The following TPO variants were observed in gnomAD, a reference collection of about 807,000 sequenced individuals.
TPO encodes the protein thyroid microsomal antigen.
TPO carries 78 observed loss-of-function variants against 96.9 expected under a neutral mutation model. That is an observed-to-expected ratio of 0.81 (90% CI 0.67 to 0.97). The LOEUF (loss-of-function observed/expected upper bound fraction) is 0.97. Ranked by LOEUF, TPO falls within the 50% of genes least tolerant of loss-of-function variation. The pLI, the probability that TPO is intolerant of heterozygous loss-of-function variation, is 0.00. For missense variants in TPO, 1,252 were observed against 1,274.8 expected, an observed-to-expected ratio of 0.98 and a Z score of 0.27; for synonymous variants, 547 against 538.0, an observed-to-expected ratio of 1.02 and a Z score of -0.23.
At chr2:1,400,700 C>T (rs1004508362) in intron 1 of TPO, among the ~76,000 whole-genome samples, 4 of 149,658 alleles carry the variant, frequency 2.7e-5, no homozygotes, top group South Asian at 2.1e-4. Context: ...ATTTCCTTCA[C>T]GTTTCAGTGG....
chr2:1,379,929 G>A (rs1558241137), intron 1 of TPO, among the ~76,000 whole-genome samples: 1 of 152,138 alleles, frequency 6.6e-6, no homozygotes. Context: ...ACTGAGAGTC[G>A]AGAGTTTTAA....
chr2:1,530,443 A>C (rs1320481305), intron 15 of TPO, among the ~76,000 whole-genome samples: 4 of 147,376 alleles, frequency 2.7e-5, no homozygotes, highest in Admixed American at 1.3e-4. Context: ...CACTGTGTGC[A>C]ACCTCCCGAA....
rs1426891199 is a variant in TPO at position 1,422,318 on chromosome 2, AC to A, written c.95-725del. ...CCCCGCAGGCGCCTCTCCTGGACAG[AC>A]CTCGTGCAGGCGCCTCTCCTGGACC... On this transcript the variant is annotated intron_variant, in intron 2 of 16. Transcript: ENST00000329066. 9.1e-4 allele frequency among the ~76,000 whole-genome samples: 121 copies of A among 133,146 alleles called. 1 individual carries two copies. Among genetic ancestry groups the A allele is most frequent in the Middle Eastern group, 3.8e-3 (1 of 262 alleles). 87.3% of individuals were successfully genotyped at this position (133,146 alleles called of 152,430 possible).
intron 7 of TPO, among the ~76,000 whole-genome samples, chr2:1,472,603 C>T (rs765338887): frequency 6.6e-6 from 1 of 152,004 alleles, no homozygotes; most frequent in Non-Finnish European, 1.5e-5. Context: ...CTCCGGGTCA[C>T]AGCCATGGGT....
rs199694732 is a variant in TPO at position 1,423,107 on chromosome 2, G to A, written c.157G>A (p.Ala53Thr). 3.7e-6 allele frequency: 6 copies of A among 1,613,836 alleles called. No individual in the cohort carries two copies. Among genetic ancestry groups the A allele is most frequent in the Middle Eastern group, 1.6e-4 (1 of 6,080 alleles). ...GGAAAGCAAGCGCCTGGTGGACACC[G>A]CCATGTACGCCACGATGCAGAGGTG... ...LEESKRLVDT[A>T]MYATMQRNLK... is the part of the protein sequence containing the mutation. The change falls in exon 3 of 17, where the codon GCC becomes ACC. Residue 53 changes from alanine (A) to threonine (T), a missense_variant. Ala to Thr is a moderately conservative substitution (Grantham distance 58). Transcript: ENST00000329066.
At chr2:1,384,735 C>G (rs1042168836) in intron 1 of TPO, among the ~76,000 whole-genome samples, 15 of 152,172 alleles carry the variant, frequency 9.9e-5, no homozygotes, top group African/African-American at 3.4e-4. Context: ...CTGGCCAGAA[C>G]TTCCAACACT....
chr2:1,473,843 A>G (rs1669659036), intron 7 of TPO, among the ~76,000 whole-genome samples: 1 of 152,178 alleles, frequency 6.6e-6, no homozygotes, highest in African/African-American at 2.4e-5. Context: ...GAAGGAAAAG[A>G]ACAGTTTTAT....
chr2:1,512,415 G>A (rs987707951), intron 14 of TPO: 9 of 985,428 alleles, frequency 9.1e-6, no homozygotes, highest in South Asian at 4.7e-5. Context: ...AAGGGCGTCC[G>A]AGAGAGCCCC....
At chr2:1,520,404 A>G (rs987439970) in intron 15 of TPO, among the ~76,000 whole-genome samples, 8 of 152,214 alleles carry the variant, frequency 5.3e-5, no homozygotes, top group African/African-American at 9.6e-5. Flanking sequence ...GAGACAGCAG[A>G]GAGAGACACG....
At chr2:1,487,753 T>G in intron 9 of TPO, 68 bp from the exon 10 acceptor site, 8 of 1,526,784 alleles carry the variant, frequency 5.2e-6, no homozygotes, top group Middle Eastern at 3.4e-4. Context: ...AAAAAAAAAA[T>G]TGAGATATTG....
rs575503747 is a variant in TPO, at chr2:1,482,419, G to A, written c.1339-2177G>A. Among the ~76,000 whole-genome samples, 19 of 152,282 alleles carry A rather than the reference G, an allele frequency of 1.2e-4. 1 individual carries two copies. Among genetic ancestry groups the A allele is most frequent in the African/African-American group, 4.6e-4 (19 of 41,560 alleles). ...GGCTGGGGTGAGAGCAGACGTGGAG[G>A]AGCAGCTTGAAGCAGCCTGGGAAGA... On this transcript the variant is annotated intron_variant, in intron 8 of 16. Transcript: ENST00000329066.
At chr2:1,495,618 C>A (rs1027983626) in intron 11 of TPO, among the ~76,000 whole-genome samples, 7 of 152,226 alleles carry the variant, frequency 4.6e-5, no homozygotes, top group Admixed American at 1.3e-4. Flanking sequence ...TGGCTCTGAG[C>A]CCCTCTTCTG....
At chr2:1,426,770 T>G (rs1189560721) in intron 3 of TPO, among the ~76,000 whole-genome samples, 1 of 152,240 alleles carries the variant, frequency 6.6e-6, no homozygotes, top group Admixed American at 6.5e-5. Flanking sequence ...AGAACTGACT[T>G]ACTTTGAGTA....
chr2:1,461,859 AG>A (rs201562305), intron 7 of TPO, among the ~76,000 whole-genome samples: 11 of 152,074 alleles, frequency 7.2e-5, no homozygotes, highest in Admixed American at 3.3e-4. Flanking sequence ...GGACGAGGGC[AG>A]GGGGGGCCGT....
chr2:1,518,710 G>C (rs1674952421), intron 15 of TPO, among the ~76,000 whole-genome samples: 4 of 152,246 alleles, frequency 2.6e-5, no homozygotes, highest in Admixed American at 2.6e-4. Context: ...CCTTCCAGTA[G>C]AGAGGTGATA....
At chr2:1,511,220 C>G (rs1674080646) in intron 14 of TPO, among the ~76,000 whole-genome samples, 1 of 150,308 alleles carries the variant, frequency 6.7e-6, no homozygotes. Context: ...ACTGGGGGTG[C>G]CACAGCAAAG....
chr2:1,458,708 ACAT>A (rs1668124000), intron 7 of TPO, among the ~76,000 whole-genome samples: 1 of 152,184 alleles, frequency 6.6e-6, no homozygotes. Flanking sequence ...CCTCTGTGTC[ACAT>A]CATGTGCATG....
chr2:1,543,332 A>AAACTC lies in TPO; in HGVS notation c.*860_*864dup, dbSNP rs899281638. 1.1e-4 allele frequency: 17 copies of AAACTC among 152,356 alleles called. No individual in the cohort carries two copies. The highest frequency in any genetic ancestry group is 9.8e-4 in the Admixed American group (15 of 15,298). 9.4% of individuals were successfully genotyped at this position (152,356 alleles called of 1,614,324 possible). ...TTAGGAGTCCTTCGGCATTGAAAGCAAACTCAGACACATCTGACCTGGAGT... is the reference window on the plus strand; with the variant it reads ...TTAGGAGTCCTTCGGCATTGAAAGCAAACTCAACTCAGACACATCTGACCTGGAGT... On this transcript the variant is annotated 3_prime_UTR_variant, in exon 17 of 17. Coordinates refer to ENST00000329066, the MANE Select transcript of TPO (RefSeq NM_001206744.2).
rs753012199 is a variant in TPO, at chr2:1,477,425, G to A, written c.1159G>A (p.Gly387Arg). The change falls in exon 8 of 17, where the codon GGG (glycine) becomes AGG (arginine). Residue 387 changes from glycine to arginine, a missense_variant. Coordinates refer to ENST00000329066, the MANE Select transcript of TPO (RefSeq NM_001206744.2). ...GCCCGGCATCCCCGGAGAGACCCGC[G>A]GGCCCTGCTTCCTGGCCGGAGACGG... ...PEPGIPGETR[G>R]PCFLAGDGRA... 1.1e-5 allele frequency: 16 copies of A among 1,523,636 alleles called. No individual in the cohort carries two copies. The highest frequency in any genetic ancestry group is 1.2e-5 in the Non-Finnish European group (14 of 1,139,666). 94.4% of individuals were successfully genotyped at this position (1,523,636 alleles called of 1,614,324 possible).
Sources: allele counts gnomAD v4.1 joint callset (sites outside exome capture counted in the v4.1 genomes callset), GRCh38; gene constraint gnomAD v4.1.1; transcripts MANE v1.5; gene names NCBI Gene and HGNC (gene_info 2026-07-23, HGNC 2026-07-21).